Variants in NSD2 observed in about 807,000 individuals in gnomAD.
NSD2 encodes histone-lysine N-methyltransferase NSD2.
A neutral mutation model predicts 139.0 loss-of-function variants in NSD2; 12 were observed. The ratio of observed to expected loss-of-function variants is 0.09; its 90% CI spans 0.06 to 0.14. The LOEUF is 0.14. Ranked by LOEUF, NSD2 falls within the 10% of genes least tolerant of loss-of-function variation. The pLI is 1.00. For synonymous variants in NSD2, 669 were observed against 648.7 expected (o/e 1.03, Z -0.48); for missense variants, 1,155 against 1,745.0 (o/e 0.66, Z 6.02).
In NSD2 at chr4:1,972,399, G is replaced by A. The variant is rs1726588655; in HGVS notation, c.3373-2464G>A. Reference sequence around the variant, plus strand: ...TAGCAAAAACGTTTAAATATACCTGGACAGGCAATTTCAAAGTCCATGTAG... The same window carrying A: ...TAGCAAAAACGTTTAAATATACCTGAACAGGCAATTTCAAAGTCCATGTAG... On this transcript the variant is annotated intron_variant, in intron 18 of 21. Transcript: ENST00000508803. The surrounding 1 kb of genome is among the most constrained non-coding windows in gnomAD (Gnocchi z 4.0). 6.6e-6 allele frequency among the ~76,000 whole-genome samples: 1 copy of A among 152,234 alleles called. No homozygotes were observed. Among genetic ancestry groups the A allele is most frequent in the South Asian group, 2.1e-4 (1 of 4,838 alleles).
chr4:1,879,860 T>G (rs1439158308), intron 1 of NSD2, among the ~76,000 whole-genome samples: 1 of 142,206 alleles, frequency 7.0e-6, no homozygotes, highest in East Asian at 2.0e-4. Context: ...GTGTGTGTGT[T>G]TTCTCCCAAG....
intron 9 of NSD2, chr4:1,946,245 C>T (rs1165770137): frequency 8.0e-5 from 80 of 997,980 alleles, no homozygotes; most frequent in Non-Finnish European, 9.4e-5. Context: ...TTTGGGGGGT[C>T]TTGCATTTAT....
At chr4:1,930,573 C>T in intron 5 of NSD2, 53 bp from the exon 6 acceptor site, 3 of 1,519,554 alleles carry the variant, frequency 2.0e-6, no homozygotes, top group Non-Finnish European at 2.7e-6. Flanking sequence ...AAAACAAAAC[C>T]CAATGAGTTT....
intron 1 of NSD2, among the ~76,000 whole-genome samples, chr4:1,884,983 A>C (rs1438021442): frequency 6.6e-6 from 1 of 151,790 alleles, no homozygotes; most frequent in Non-Finnish European, 1.5e-5. Context: ...GGTGGCGGCA[A>C]CCTGTAATCT....
At chr4:1,912,327 C>T (rs1456818702) in intron 3 of NSD2, 1 of 162,100 alleles carries the variant, frequency 6.2e-6, no homozygotes, top group Admixed American at 6.3e-5. Context: ...TTTCTTTCCC[C>T]CCATTCTCCC....
chr4:1,957,457 T>A (rs1209708795), intron 15 of NSD2, among the ~76,000 whole-genome samples: 1 of 151,280 alleles, frequency 6.6e-6, no homozygotes, highest in Non-Finnish European at 1.5e-5. Flanking sequence ...CTAATTTTTT[T>A]TTTTTTTTTT....
intron 7 of NSD2, 40 bp from the exon 8 acceptor site, chr4:1,938,396 CTTTTCTTTTTTTTTT>C (rs1722670619): frequency 1.6e-4 from 156 of 992,176 alleles, no homozygotes; most frequent in Middle Eastern, 1.2e-3. Flanking sequence ...TCCTTTTTTT[CTTTTCTTTTTTTTTT>C]CTTTCTTTTT....
At chr4:1,921,906 T>C (rs907430100) in intron 5 of NSD2, among the ~76,000 whole-genome samples, 1 of 151,456 alleles carries the variant, frequency 6.6e-6, no homozygotes, top group Non-Finnish European at 1.5e-5. Context: ...CCCAACACTT[T>C]GGAGGCCGAG....
chr4:1,925,898 G>A (rs898849103), intron 5 of NSD2, among the ~76,000 whole-genome samples: 1 of 151,560 alleles, frequency 6.6e-6, no homozygotes, highest in Non-Finnish European at 1.5e-5. Flanking sequence ...ACCTCCCTAG[G>A]CTCAAGTGAT....
chr4:1,896,763 T>C (rs185644805), intron 1 of NSD2, among the ~76,000 whole-genome samples: 4 of 151,200 alleles, frequency 2.6e-5, no homozygotes, highest in African/African-American at 9.7e-5. Context: ...TCTTTCCTTC[T>C]TTCTTCTCTT....
At chr4:1,969,529 C>A (rs1181237905) in intron 18 of NSD2, among the ~76,000 whole-genome samples, 2 of 150,152 alleles carry the variant, frequency 1.3e-5, no homozygotes, top group Non-Finnish European at 1.5e-5. Context: ...CACAGCAAGG[C>A]CTTGTCTCTA....
chr4:1,915,356 C>T (rs556715480), intron 3 of NSD2, among the ~76,000 whole-genome samples: 2 of 152,030 alleles, frequency 1.3e-5, no homozygotes, highest in African/African-American at 2.4e-5. Context: ...CCTCGTGGTC[C>T]GCCTGCCTCG....
chr4:1,916,410 A>G (rs1296076542), intron 3 of NSD2, among the ~76,000 whole-genome samples: 3 of 151,888 alleles, frequency 2.0e-5, no homozygotes, highest in African/African-American at 7.3e-5. Context: ...CAGTGGTATG[A>G]TCTTGGCTCA....
At chr4:1,878,303 A>C (rs1714450893) in intron 1 of NSD2, among the ~76,000 whole-genome samples, 1 of 115,724 alleles carries the variant, frequency 8.6e-6, no homozygotes, top group South Asian at 3.1e-4. Context: ...AGTAGAGACT[A>C]GGCCATGTTG....
At chr4:1,874,084 T>G (rs2108880157) in intron 1 of NSD2, among the ~76,000 whole-genome samples, 1 of 152,368 alleles carries the variant, frequency 6.6e-6, no homozygotes, top group South Asian at 2.1e-4. Flanking sequence ...AGTAAATAAT[T>G]AATCAGCAGC....
chr4:1,938,396 C>CTTTTTTTTTTTTTTTTTTTTT, intron 7 of NSD2, 55 bp from the exon 8 acceptor site: 1 of 988,394 alleles, frequency 1.0e-6, no homozygotes, highest in African/African-American at 3.2e-5. Flanking sequence ...TCCTTTTTTT[C>CTTTTTTTTTTTTTTTTTTTTT]TTTTCTTTTT....
intron 7 of NSD2, among the ~76,000 whole-genome samples, chr4:1,935,583 G>T (rs1217827078): frequency 6.6e-6 from 1 of 152,178 alleles, no homozygotes; most frequent in South Asian, 2.1e-4. Context: ...TCTTTGGCCG[G>T]GTGTGGTGGC....
chr4:1,952,782 G>A (rs911987839), intron 11 of NSD2: 2 of 1,132,140 alleles, frequency 1.8e-6, no homozygotes, highest in African/African-American at 3.2e-5. Flanking sequence ...GGGTCTGTGA[G>A]GATGATGAGA....
rs770171601 is a variant in NSD2 at position 1,918,333 on chromosome 4, G to A, written c.1120G>A (p.Ala374Thr). Residue 374 changes from alanine to threonine, a missense_variant, in exon 5 of 22, where the codon GCA becomes ACA. This residue lies in a region of NSD2 where 420 missense variants were observed against 469.0 expected (regional missense o/e 0.90). Transcript: ENST00000508803. The part of the protein sequence containing the change: ...GIAAESLGEM[A>T]ESSGVSEEAA... ...TGCTGCAGAGTCTTTGGGAGAAATGGCAGAATCCTCAGGAGTCAGTGAAGA... is the reference window on the plus strand; with the variant it reads ...TGCTGCAGAGTCTTTGGGAGAAATGACAGAATCCTCAGGAGTCAGTGAAGA... The A allele has an allele frequency of 2.0e-5, 33 of 1,614,058 alleles. No individual in the cohort carries two copies. The highest frequency in any genetic ancestry group is 2.7e-5 in the Non-Finnish European group (32 of 1,180,024).
Sources: gnomAD v4.1 joint callset for allele counts (sites outside exome capture counted in the v4.1 genomes callset) on GRCh38, gnomAD v4.1.1 for gene constraint, gnomAD v4.1.1 regional missense constraint, Gnocchi (gnomAD v3.1) non-coding constraint, MANE v1.5 for transcripts, NCBI Gene and HGNC (gene_info 2026-07-23, HGNC 2026-07-21) for gene names.